Variants in COL6A6 observed in about 807,000 individuals in gnomAD.
COL6A6 encodes the protein collagen alpha-6(VI) chain.
In COL6A6, 183 loss-of-function variants were observed where a neutral mutation model predicts 208.6. The observed-to-expected ratio is 0.88, with a 90% CI of 0.78 to 0.99. The LOEUF is 0.99. Among genes scored for constraint, COL6A6 ranks in the 50% least tolerant of loss-of-function variants. COL6A6 has a pLI of 0.00. For missense variants in COL6A6, 2,816 were observed against 2,815.2 expected, an observed-to-expected ratio of 1.00 and a Z score of -0.01; for synonymous variants, 973 against 1,011.8, an observed-to-expected ratio of 0.96 and a Z score of 0.73.
intron 11 of COL6A6, among the ~76,000 whole-genome samples, chr3:130,588,087 A>G (rs1056042352): frequency 2.0e-5 from 3 of 152,220 alleles, no homozygotes; most frequent in Non-Finnish European, 4.4e-5. Context: ...ATATAAAATC[A>G]TAGTATCCAT....
chr3:130,642,274 TG>T (rs2065336509), intron 29 of COL6A6, among the ~76,000 whole-genome samples: 2 of 151,842 alleles, frequency 1.3e-5, no homozygotes, highest in Admixed American at 6.6e-5. Context: ...TGTGTGTGTG[TG>T]TGTGTGTGTG....
Position 130,649,494 on chromosome 3 carries a change from G to A in COL6A6, c.5665G>A (p.Gly1889Ser), listed in dbSNP as rs771039482. The A allele has an allele frequency of 5.0e-6, 8 of 1,607,414 alleles. No homozygotes were observed. Among genetic ancestry groups the A allele is most frequent in the South Asian group, 1.1e-5 (1 of 89,608 alleles). Residue 1889 changes from glycine to serine, a missense_variant, in exon 33 of 37, where the codon GGC becomes AGC. Transcript: ENST00000358511. ...HSITTAAMEF[G>S]ALEIIPVVIT... ...CATCACCACGGCTGCCATGGAGTTCGGCGCGCTTGAAATCATTCCCGTGGT... is the reference window on the plus strand; with the variant it reads ...CATCACCACGGCTGCCATGGAGTTCAGCGCGCTTGAAATCATTCCCGTGGT...
chr3:130,547,365 C>A (rs371202385), intron 1 of COL6A6, among the ~76,000 whole-genome samples: 2 of 152,264 alleles, frequency 1.3e-5, no homozygotes, highest in Non-Finnish European at 2.9e-5. Flanking sequence ...TGCGGGGGCC[C>A]GCTGAGGCGG....
chr3:130,521,693 C>G (rs138657888), intron 1 of COL6A6, among the ~76,000 whole-genome samples: 1 of 152,196 alleles, frequency 6.6e-6, no homozygotes, highest in East Asian at 1.9e-4. Flanking sequence ...AGGGCTTTAT[C>G]AGGCCTTGGG....
intron 17 of COL6A6, among the ~76,000 whole-genome samples, chr3:130,593,631 ATC>A (rs1380713497): frequency 2.6e-5 from 4 of 152,238 alleles, no homozygotes; most frequent in Non-Finnish European, 4.4e-5. Context: ...CAACACTTGC[ATC>A]TCTTTCTGTT....
intron 1 of COL6A6, among the ~76,000 whole-genome samples, chr3:130,557,497 A>G (rs1210094955): frequency 6.6e-6 from 1 of 152,230 alleles, no homozygotes; most frequent in Non-Finnish European, 1.5e-5. Flanking sequence ...AATAATGAAG[A>G]CATCAGGGGT....
intron 1 of COL6A6, among the ~76,000 whole-genome samples, chr3:130,543,072 A>G (rs918799373): frequency 2.6e-5 from 4 of 151,568 alleles, no homozygotes; most frequent in African/African-American, 9.7e-5. Context: ...TGCCTAGCTA[A>G]TTTTTGTATT....
At chr3:130,659,216 C>T (rs548171146) in intron 34 of COL6A6, among the ~76,000 whole-genome samples, 27 of 152,282 alleles carry the variant, frequency 1.8e-4, no homozygotes, top group African/African-American at 6.3e-4. Flanking sequence ...GAAATTCATA[C>T]ATTTCTCATT....
At chr3:130,524,560 A>G (rs1342567623) in intron 1 of COL6A6, among the ~76,000 whole-genome samples, 1 of 151,686 alleles carries the variant, frequency 6.6e-6, no homozygotes. Context: ...CAGCTTGAAT[A>G]GATAAATTCA....
intron 5 of COL6A6, among the ~76,000 whole-genome samples, chr3:130,567,727 C>CT (rs143748819): frequency 0.049 from 7,519 of 152,170 alleles, 616 homozygotes; most frequent in African/African-American, 0.17. Context: ...GAGGGTGCTC[C>CT]TGTCATCTAA....
chr3:130,587,473 G>C (rs1035869437), intron 11 of COL6A6, among the ~76,000 whole-genome samples: 4 of 152,152 alleles, frequency 2.6e-5, no homozygotes, highest in Admixed American at 1.3e-4. Flanking sequence ...TGTTGGCCAG[G>C]CTGGTCTTGA....
At chr3:130,520,882 A>G (rs1242487054) in intron 1 of COL6A6, among the ~76,000 whole-genome samples, 2 of 152,176 alleles carry the variant, frequency 1.3e-5, no homozygotes, top group Non-Finnish European at 2.9e-5. Flanking sequence ...AAACTAATGC[A>G]TTTAACAGTC....
At chr3:130,658,122 T>C (rs1248425334) in intron 33 of COL6A6, among the ~76,000 whole-genome samples, 2 of 152,214 alleles carry the variant, frequency 1.3e-5, no homozygotes, top group African/African-American at 2.4e-5. Flanking sequence ...GCCTAGTTTA[T>C]AGTAGAAACC....
At chr3:130,542,614 G>C (rs575787165) in intron 1 of COL6A6, among the ~76,000 whole-genome samples, 1 of 152,284 alleles carries the variant, frequency 6.6e-6, no homozygotes, top group African/African-American at 2.4e-5. Context: ...ATTTCTGATA[G>C]AGGGGTATTG....
chr3:130,671,967 C>T (rs1168463446), intron 36 of COL6A6, among the ~76,000 whole-genome samples: 1 of 152,198 alleles, frequency 6.6e-6, no homozygotes, highest in Non-Finnish European at 1.5e-5. Flanking sequence ...AGAGCCAGAA[C>T]AATTGAATTG....
rs538997978 is a variant in COL6A6 at position 130,576,478 on chromosome 3, C to T, written c.3547+1953C>T. Among the ~76,000 whole-genome samples the T allele has an allele frequency of 4.4e-4, 67 of 152,252 alleles. No individual in the cohort carries two copies. In the South Asian group the frequency reaches 0.014, roughly 32 times the overall value. On this transcript the variant is annotated intron_variant, in intron 8 of 36. Transcript: ENST00000358511. ...TACTTTGGAATGTATCTGATTACCT[C>T]GGCCAAACCTTCCACATTAATTTCT...
chr3:130,610,460 T>C (rs17747541), intron 22 of COL6A6, among the ~76,000 whole-genome samples, 189 bp from the exon 23 acceptor site: 5,940 of 152,240 alleles, frequency 0.039, 178 homozygotes, highest in Non-Finnish European at 0.054. Context: ...AAATTTCAGA[T>C]TGGACATTCA....
intron 19 of COL6A6, among the ~76,000 whole-genome samples, chr3:130,599,074 C>G (rs1316894727): frequency 6.6e-6 from 1 of 152,266 alleles, no homozygotes; most frequent in East Asian, 1.9e-4. Context: ...CTTACCAGCT[C>G]TGGATCCTGG....
At chr3:130,612,107 A>G (rs959791062) in intron 23 of COL6A6, among the ~76,000 whole-genome samples, 5 of 152,160 alleles carry the variant, frequency 3.3e-5, no homozygotes. Context: ...TGCAAAGGAC[A>G]TGATCTTGTT....
Sources: gnomAD v4.1 joint callset for allele counts (sites outside exome capture counted in the v4.1 genomes callset) on GRCh38, gnomAD v4.1.1 for gene constraint, MANE v1.5 for transcripts, NCBI Gene and HGNC (gene_info 2026-07-23, HGNC 2026-07-21) for gene names.